Variants in UGT1A10 observed in about 807,000 individuals in gnomAD.
UGT1A10 encodes the protein UDP glucuronosyltransferase family 1 member A10, also known as UDP-glucuronosyltransferase 1A10.
UGT1A10 carries 49 observed loss-of-function variants against 45.8 expected under a neutral mutation model. The observed-to-expected ratio is 1.07, with a 90% CI of 0.85 to 1.36. The LOEUF (loss-of-function observed/expected upper bound fraction) is 1.36, where lower values mean the gene tolerates loss of function less well. Among genes scored for constraint, UGT1A10 ranks in the 40% most tolerant of loss-of-function variants. UGT1A10 has a pLI of 0.00. For missense variants in UGT1A10, 745 were observed against 668.6 expected (o/e 1.11, Z -1.26); for synonymous variants, 284 against 249.7 (o/e 1.14, Z -1.29).
chr2:233,712,951 A>C, intron 1 of UGT1A10: 1 of 1,612,798 alleles, frequency 6.2e-7, no homozygotes, highest in Middle Eastern at 2.0e-4. Flanking sequence ...TAGGAGGCAC[A>C]ACGTGGGGTG....
intron 1 of UGT1A10, among the ~76,000 whole-genome samples, chr2:233,687,438 C>T (rs1214319120): frequency 1.3e-5 from 2 of 151,960 alleles, no homozygotes; most frequent in Non-Finnish European, 2.9e-5. Flanking sequence ...CCAGGTGCTA[C>T]CCTAAGTATT....
chr2:233,735,838 C>T (rs1278519081), intron 1 of UGT1A10, among the ~76,000 whole-genome samples: 2 of 152,038 alleles, frequency 1.3e-5, no homozygotes, highest in Non-Finnish European at 2.9e-5. Context: ...AATATTGGCC[C>T]CCACTCTCTT....
Position 233,773,101 on chromosome 2 carries a change from T to A in UGT1A10, c.*542T>A, listed in dbSNP as rs1321886255. On this transcript the variant is annotated 3_prime_UTR_variant, in exon 5 of 5. Coordinates refer to ENST00000344644, the MANE Select transcript of UGT1A10 (RefSeq NM_019075.4). ...GGCTTGGAGTGCACTGAGAACAGCA[T>A]ATGATTTCTTGCTTTGGGGAAAAAG... is the stretch of plus-strand genomic sequence containing the variant. The A allele has an allele frequency of 6.4e-6, 1 of 156,412 alleles. No homozygotes were observed. The highest frequency in any genetic ancestry group is 2.4e-5 in the African/African-American group (1 of 41,460). The allele number at this position is 156,412 out of a possible 1,614,324, so 9.7% of individuals were successfully genotyped here.
intron 1 of UGT1A10, among the ~76,000 whole-genome samples, chr2:233,676,850 T>C (rs2074373465): frequency 6.6e-6 from 1 of 152,184 alleles, no homozygotes; most frequent in Admixed American, 6.6e-5. Flanking sequence ...CTCCACTGCA[T>C]TGCCTTTGTA....
intron 1 of UGT1A10, among the ~76,000 whole-genome samples, chr2:233,664,431 T>G (rs1013783038): frequency 2.6e-5 from 4 of 152,192 alleles, no homozygotes; most frequent in Non-Finnish European, 4.4e-5. Context: ...TACGTTGCCA[T>G]AAAGGAATGC....
intron 1 of UGT1A10, chr2:233,747,921 G>C: frequency 6.2e-7 from 1 of 1,613,394 alleles, no homozygotes; most frequent in Non-Finnish European, 8.5e-7. Flanking sequence ...CCTTGCCTCT[G>C]AGCTTTTTCA....
Position 233,693,020 on chromosome 2 carries a change from C to T in UGT1A10, c.855+55643C>T, listed in dbSNP as rs546429827. 196 of 1,614,146 alleles carry T rather than the reference C, an allele frequency of 1.2e-4. No homozygotes were observed. The highest frequency in any genetic ancestry group is 6.3e-4 in the Admixed American group (38 of 60,026). ...TCTTTCCAGGATGGCCTGCCTCCTTCGCTCATTTCAGAGAATTTCTGCAGG... is the reference window on the plus strand; with the variant it reads ...TCTTTCCAGGATGGCCTGCCTCCTTTGCTCATTTCAGAGAATTTCTGCAGG... On this transcript the variant is annotated intron_variant, in intron 1 of 4. Transcript: ENST00000344644.
At chr2:233,694,775 G>A (rs2075240400) in intron 1 of UGT1A10, among the ~76,000 whole-genome samples, 1 of 152,170 alleles carries the variant, frequency 6.6e-6, no homozygotes, top group Admixed American at 6.5e-5. Context: ...CAAGGGTGAG[G>A]GGATGGGGAT....
At chr2:233,657,398 C>T (rs2073878787) in intron 1 of UGT1A10, among the ~76,000 whole-genome samples, 1 of 152,192 alleles carries the variant, frequency 6.6e-6, no homozygotes, top group Non-Finnish European at 1.5e-5. Context: ...GCTACTTCCA[C>T]TCATGGCAGA....
intron 1 of UGT1A10, among the ~76,000 whole-genome samples, chr2:233,660,065 A>G (rs1183670287): frequency 2.0e-5 from 3 of 152,158 alleles, no homozygotes; most frequent in South Asian, 2.1e-4. Context: ...AATTTCTTTC[A>G]TGAGTCCCTT....
chr2:233,719,929 A>G (rs1186808280), intron 1 of UGT1A10, among the ~76,000 whole-genome samples: 1 of 152,194 alleles, frequency 6.6e-6, no homozygotes, highest in African/African-American at 2.4e-5. Context: ...ACTCACGGAC[A>G]GTGTTTGTAA....
chr2:233,682,756 T>C, intron 1 of UGT1A10: 1 of 1,613,846 alleles, frequency 6.2e-7, no homozygotes, highest in South Asian at 1.1e-5. Context: ...TCTTCATTGG[T>C]GGTATCAACT....
intron 1 of UGT1A10, among the ~76,000 whole-genome samples, chr2:233,759,599 A>ACCCCCCCCCCCCC (rs1553620419): frequency 1.6e-4 from 17 of 108,720 alleles, no homozygotes; most frequent in African/African-American, 3.6e-4. Context: ...CCCACCCCCG[A>ACCCCCCCCCCCCC]CCCGCCCCAC....
intron 1 of UGT1A10, among the ~76,000 whole-genome samples, chr2:233,640,653 G>A (rs2073427030): frequency 6.6e-6 from 1 of 152,018 alleles, no homozygotes; most frequent in Admixed American, 6.6e-5. Context: ...TCTTTTTTAG[G>A]CTGCAAATGC....
At chr2:233,742,247 A>G (rs748626852) in intron 1 of UGT1A10, among the ~76,000 whole-genome samples, 6 of 152,004 alleles carry the variant, frequency 3.9e-5, no homozygotes, top group Non-Finnish European at 7.3e-5. Context: ...ATTTACCCAC[A>G]TATTTATTGA....
intron 1 of UGT1A10, chr2:233,690,772 CACAT>C (rs1408183947): frequency 4.5e-5 from 49 of 1,080,518 alleles, no homozygotes; most frequent in Admixed American, 2.5e-4. Flanking sequence ...CACACACACA[CACAT>C]ACACACACAC....
chr2:233,752,891 G>A (rs76026343), intron 1 of UGT1A10, among the ~76,000 whole-genome samples: 3,078 of 152,286 alleles, frequency 0.02, 63 homozygotes, highest in Non-Finnish European at 0.029. Context: ...ACTAGCCAGC[G>A]TTGTTACAGA....
chr2:233,744,894 A>G (rs1692956902), intron 1 of UGT1A10, among the ~76,000 whole-genome samples: 1 of 151,908 alleles, frequency 6.6e-6, no homozygotes, highest in Non-Finnish European at 1.5e-5. Flanking sequence ...CCTCCTCTCC[A>G]TACCAAAATC....
intron 1 of UGT1A10, among the ~76,000 whole-genome samples, chr2:233,642,725 G>A (rs2073483066): frequency 6.6e-6 from 1 of 152,170 alleles, no homozygotes; most frequent in Non-Finnish European, 1.5e-5. Flanking sequence ...TCTGCTTTAG[G>A]GGGCACCCCA....
Sources: allele counts gnomAD v4.1 joint callset (sites outside exome capture counted in the v4.1 genomes callset), GRCh38; gene constraint gnomAD v4.1.1; transcripts MANE v1.5; gene names NCBI Gene and HGNC (gene_info 2026-07-23, HGNC 2026-07-21).